The following DIAPH1 variants were observed in gnomAD, a reference collection of about 807,000 sequenced individuals.
DIAPH1 encodes diaphanous related formin 1.
In DIAPH1, 46 loss-of-function variants were observed where a neutral mutation model predicts 140.7. The ratio of observed to expected loss-of-function variants is 0.33; its 90% CI spans 0.26 to 0.42. The LOEUF (loss-of-function observed/expected upper bound fraction) is 0.42. Among genes scored for constraint, DIAPH1 ranks in the 10% least tolerant of loss-of-function variants. DIAPH1 has a pLI of 1.00. For missense variants in DIAPH1, 1,310 were observed against 1,558.7 expected, an observed-to-expected ratio of 0.84 and a Z score of 2.69; for synonymous variants, 565 against 551.6, an observed-to-expected ratio of 1.02 and a Z score of -0.34.
chr5:141,615,437 G>GAAAAAAAAAA (rs1013629826), intron 1 of DIAPH1, among the ~76,000 whole-genome samples: 2 of 46,288 alleles, frequency 4.3e-5, no homozygotes, highest in African/African-American at 8.3e-5. Flanking sequence ...CTCAGAAAAA[G>GAAAAAAAAAA]AAAAAAAAAA....
At chr5:141,569,137 T>G (rs911876672) in intron 18 of DIAPH1, among the ~76,000 whole-genome samples, 2 of 152,174 alleles carry the variant, frequency 1.3e-5, no homozygotes, top group South Asian at 4.1e-4. Context: ...TTCTTGCAGC[T>G]TTTGTCTGGA....
At chr5:141,578,717 A>T in intron 9 of DIAPH1, 92 bp from the exon 10 acceptor site, 1 of 933,932 alleles carries the variant, frequency 1.1e-6, no homozygotes, top group Non-Finnish European at 1.7e-6. Context: ...TCCCCAATAC[A>T]ACCTGAAAGA....
chr5:141,574,894 T>C (rs1041227620), intron 15 of DIAPH1, 73 bp downstream of exon 15: 28 of 1,532,922 alleles, frequency 1.8e-5, no homozygotes, highest in Non-Finnish European at 2.5e-5. Flanking sequence ...AGGAGCGAGA[T>C]GACTGACTCC....
rs2099885633 is a variant in DIAPH1, at chr5:141,516,054, A to ATT, written c.*796_*797insAA. 1 of 153,810 alleles carries ATT rather than the reference A, an allele frequency of 6.5e-6. No homozygotes were observed. Among genetic ancestry groups the ATT allele is most frequent in the Non-Finnish European group, 1.4e-5 (1 of 69,176 alleles). 9.5% of individuals were successfully genotyped at this position (153,810 alleles called of 1,614,324 possible). ...ACAACCCATAGTCCAGATGAGATGC[A>ATT]CCAAAGCTCAGGGAAGGCATGAGGA... On this transcript the variant is annotated 3_prime_UTR_variant, in exon 28 of 28. Coordinates refer to ENST00000389054, the MANE Select transcript of DIAPH1 (RefSeq NM_005219.5).
chr5:141,553,222 G>A (rs1242725202), intron 18 of DIAPH1, among the ~76,000 whole-genome samples: 1 of 152,186 alleles, frequency 6.6e-6, no homozygotes, highest in Non-Finnish European at 1.5e-5. Flanking sequence ...AACCCAGGAG[G>A]TGGAGGTTGC....
intron 27 of DIAPH1, 80 bp from the exon 28 acceptor site, chr5:141,517,088 G>GT (rs2099885799): frequency 1.3e-6 from 2 of 1,551,568 alleles, no homozygotes; most frequent in African/African-American, 2.7e-5. Flanking sequence ...GATAATCAGC[G>GT]TAAGCCATGC....
At chr5:141,546,234 T>C (rs964042416) in intron 18 of DIAPH1, among the ~76,000 whole-genome samples, 6 of 151,380 alleles carry the variant, frequency 4.0e-5, no homozygotes, top group Non-Finnish European at 8.8e-5. Context: ...CTACAAAAAT[T>C]AGCCAGGCAT....
intron 24 of DIAPH1, 23 bp from the exon 25 acceptor site, chr5:141,526,484 C>T: frequency 6.2e-7 from 1 of 1,613,888 alleles, no homozygotes; most frequent in Non-Finnish European, 8.5e-7. Flanking sequence ...AGTAAAGGAC[C>T]AAGACCAAGA....
At chr5:141,575,285 G>A (rs1211112125) in intron 14 of DIAPH1, 139 bp from the exon 15 acceptor site, 1 of 825,232 alleles carries the variant, frequency 1.2e-6, no homozygotes, top group East Asian at 2.6e-5. Flanking sequence ...TTCTGGGCCA[G>A]TACTTGATTT....
At chr5:141,524,473 T>C in intron 26 of DIAPH1, 1 of 543,096 alleles carries the variant, frequency 1.8e-6, no homozygotes, top group Non-Finnish European at 3.3e-6. Flanking sequence ...TTGGGATATT[T>C]TCCCGCAATG....
At chr5:141,519,029 G>A (rs1393998349) in intron 27 of DIAPH1, 1 of 1,543,698 alleles carries the variant, frequency 6.5e-7, no homozygotes, top group South Asian at 1.2e-5. Context: ...TGAAGACCCT[G>A]ACTGACAGCC....
chr5:141,538,296 G>A lies in DIAPH1; in HGVS notation c.2483-3863C>T, dbSNP rs200984071. Among the ~76,000 whole-genome samples the A allele has an allele frequency of 2.7e-4, 41 of 151,858 alleles. No individual in the cohort carries two copies. In the East Asian group the frequency reaches 5.9e-3, roughly 22 times the overall value. ...AGGATGGTATCAATCTCCTGACCTC[G>A]TGATCTGCCCGCCTCGGCCTCCCAA... On this transcript the variant is annotated intron_variant, in intron 18 of 27. Transcript: ENST00000389054.
At chr5:141,586,253 T>C (rs2099897531) in intron 3 of DIAPH1, among the ~76,000 whole-genome samples, 1 of 152,212 alleles carries the variant, frequency 6.6e-6, no homozygotes. Flanking sequence ...CTTGGAATAT[T>C]AAGAGACAAA....
rs576017208 is a variant in DIAPH1 at position 141,588,483 on chromosome 5, A to G, written c.118-233T>C. Among the ~76,000 whole-genome samples the G allele has an allele frequency of 2.2e-4, 34 of 152,212 alleles. No homozygotes were observed. In the South Asian group the frequency reaches 6.0e-3, roughly 27 times the overall value. On this transcript the variant is annotated intron_variant, in intron 1 of 27. Transcript: ENST00000389054. ...ATGACTCTTAAAAAGGAAAAAAAAA[A>G]AAAAAAAGAAGATGATGCAGAACTG...
At position 141,574,939 on chromosome 5, in the gene DIAPH1, C is replaced by T. The variant is rs2099895743; in HGVS notation, c.1641+28G>A. On this transcript the variant is annotated intron_variant, in intron 15 of 27. Transcript: ENST00000389054. ...CCATGTGCATCCTGAGGTTACAGGTCATTCTGCCTTCCCTGCTCAGGCATT... is the reference window on the plus strand; with the variant it reads ...CCATGTGCATCCTGAGGTTACAGGTTATTCTGCCTTCCCTGCTCAGGCATT... The T allele has an allele frequency of 1.9e-6, 3 of 1,613,626 alleles. No individual in the cohort carries two copies. In the African/African-American group the frequency reaches 4.0e-5, roughly 22 times the overall value.
chr5:141,555,950 T>G (rs1382263920), intron 18 of DIAPH1, among the ~76,000 whole-genome samples: 1 of 152,196 alleles, frequency 6.6e-6, no homozygotes, highest in Admixed American at 6.5e-5. Context: ...CCTGCCAGCC[T>G]TGCCAAGAAG....
chr5:141,578,644 G>A lies in DIAPH1; in HGVS notation c.934-19C>T. ...ATCCAACCTAAAATAAGAAAATTCA[G>A]CAGCTATGTCAATGCTAACTCCTGG... On this transcript the variant is annotated intron_variant, in intron 9 of 27. Transcript: ENST00000389054. 1 of 1,587,690 alleles carries A rather than the reference G, an allele frequency of 6.3e-7. No individual in the cohort carries two copies. Among genetic ancestry groups the A allele is most frequent in the Non-Finnish European group, 8.6e-7 (1 of 1,157,496 alleles).
intron 18 of DIAPH1, among the ~76,000 whole-genome samples, chr5:141,557,549 G>A (rs1178363300): frequency 6.6e-6 from 1 of 152,130 alleles, no homozygotes; most frequent in Non-Finnish European, 1.5e-5. Flanking sequence ...CTAAGTGAAA[G>A]GGGTTCCTTT....
At chr5:141,559,461 T>C in intron 18 of DIAPH1, among the ~76,000 whole-genome samples, 1 of 152,082 alleles carries the variant, frequency 6.6e-6, no homozygotes, top group East Asian at 1.9e-4. Context: ...CTGGCATTAA[T>C]GAACAAACCT....
Sources: allele counts gnomAD v4.1 joint callset (sites outside exome capture counted in the v4.1 genomes callset), GRCh38; gene constraint gnomAD v4.1.1; transcripts MANE v1.5; gene names NCBI Gene and HGNC (gene_info 2026-07-23, HGNC 2026-07-21).